CTBP2: variants seen among roughly 807,000 people sequenced by gnomAD.
The protein encoded by CTBP2 is C-terminal binding protein 2, also known as C-terminal-binding protein 2.
In CTBP2, 30 loss-of-function variants were observed where a neutral mutation model predicts 80.3. The observed-to-expected ratio is 0.37, with a 90% CI of 0.28 to 0.51. CTBP2 has a LOEUF of 0.51. Among genes scored for constraint, CTBP2 ranks in the 20% least tolerant of loss-of-function variants. The pLI is 0.93. For missense variants in CTBP2, 1,212 were observed against 1,375.3 expected (o/e 0.88, Z 1.88); for synonymous variants, 594 against 587.4 (o/e 1.01, Z -0.16).
chr10:124,984,473 T>C lies in CTBP2; in HGVS notation c.*5045A>G. 1 of 312,756 alleles carries C rather than the reference T, an allele frequency of 3.2e-6. No individual in the cohort carries two copies. Among genetic ancestry groups the C allele is most frequent in the East Asian group, 5.8e-5 (1 of 17,132 alleles). The allele number at this position is 312,756 out of a possible 1,614,324, so 19.4% of individuals were successfully genotyped here. ...ACTTACCTTGTCATGTGTTTGAAGC[T>C]GTGGCTTGCCAGGATCAGTTTATTA... On this transcript the variant is annotated 3_prime_UTR_variant, in exon 9 of 9. Coordinates refer to ENST00000309035, the MANE Select transcript of CTBP2 (RefSeq NM_022802.3).
chr10:125,148,316 T>A (rs74163350), intron 1 of CTBP2, among the ~76,000 whole-genome samples: 2 of 152,114 alleles, frequency 1.3e-5, no homozygotes, highest in African/African-American at 4.8e-5. Context: ...GACCCTGACA[T>A]GCCAAGTAAC....
chr10:125,030,156 A>G (rs1564751225), upstream of CTBP2, among the ~76,000 whole-genome samples: 1 of 150,406 alleles, frequency 6.6e-6, no homozygotes, highest in African/African-American at 2.5e-5. Context: ...CCACACACAC[A>G]CACACACACA....
At chr10:125,080,711 G>A (rs1393288917) in intron 2 of CTBP2, among the ~76,000 whole-genome samples, 2 of 152,176 alleles carry the variant, frequency 1.3e-5, no homozygotes, top group Non-Finnish European at 2.9e-5. Flanking sequence ...GGGAACCTTA[G>A]CCATGGCCCA....
chr10:125,093,970 G>A (rs1590724905), intron 2 of CTBP2, among the ~76,000 whole-genome samples: 2 of 152,154 alleles, frequency 1.3e-5, no homozygotes, highest in African/African-American at 4.8e-5. Context: ...AGTGGGAGGC[G>A]AGACGGCAAG....
Position 124,987,678 on chromosome 10 carries a change from G to T in CTBP2, c.*1840C>A, listed in dbSNP as rs1457577469. The T allele has an allele frequency of 6.6e-6, 1 of 152,188 alleles. No homozygotes were observed. Among genetic ancestry groups the T allele is most frequent in the Non-Finnish European group, 1.5e-5 (1 of 68,028 alleles). The allele number at this position is 152,188 out of a possible 1,614,324, so 9.4% of individuals were successfully genotyped here. On this transcript the variant is annotated 3_prime_UTR_variant, in exon 9 of 9. Coordinates refer to ENST00000309035, the MANE Select transcript of CTBP2 (RefSeq NM_022802.3). ...TGTTAATAGACACTTTTATGGTAGA[G>T]TTGGGATGGGGCCACCACCTTAAAA...
chr10:125,093,525 A>C (rs746903578), intron 2 of CTBP2, among the ~76,000 whole-genome samples: 1 of 152,210 alleles, frequency 6.6e-6, no homozygotes, highest in Non-Finnish European at 1.5e-5. Flanking sequence ...AAACTCAAAT[A>C]CCAAAGCAGG....
intron 2 of CTBP2, among the ~76,000 whole-genome samples, chr10:125,099,568 G>C (rs956673363): frequency 6.6e-6 from 1 of 152,096 alleles, no homozygotes; most frequent in South Asian, 2.1e-4. Flanking sequence ...GCTTTCAAAG[G>C]GTACAATTCC....
chr10:125,034,636 C>T (rs1387420442), intron 3 of CTBP2, among the ~76,000 whole-genome samples: 1 of 152,106 alleles, frequency 6.6e-6, no homozygotes, highest in Non-Finnish European at 1.5e-5. Flanking sequence ...TTGTGGACTA[C>T]CTATAGGCAG....
At chr10:125,025,163 G>C (rs1054393855) in intron 1 of CTBP2, among the ~76,000 whole-genome samples, 2 of 152,032 alleles carry the variant, frequency 1.3e-5, no homozygotes, top group Non-Finnish European at 2.9e-5. Flanking sequence ...AAAATCATTT[G>C]AAAAGGATTC....
chr10:125,038,011 C>A (rs1959059398), intron 3 of CTBP2, among the ~76,000 whole-genome samples: 2 of 152,204 alleles, frequency 1.3e-5, no homozygotes, highest in Non-Finnish European at 1.5e-5. Context: ...TTTAAAAAAA[C>A]CCTTTAACGC....
intron 1 of CTBP2, among the ~76,000 whole-genome samples, chr10:125,113,708 C>T (rs7920600): frequency 0.13 from 19,598 of 152,140 alleles, 2,004 homozygotes; most frequent in African/African-American, 0.28. Flanking sequence ...AACATGTTAA[C>T]ATCTACCTAA....
intron 1 of CTBP2, among the ~76,000 whole-genome samples, chr10:125,116,971 T>G (rs976168195): frequency 3.3e-4 from 51 of 152,268 alleles, no homozygotes; most frequent in African/African-American, 1.2e-3. Flanking sequence ...AGAGGACCCA[T>G]GGGTTCCCTG....
At chr10:125,073,073 G>A (rs943760134) in intron 2 of CTBP2, among the ~76,000 whole-genome samples, 1 of 152,206 alleles carries the variant, frequency 6.6e-6, no homozygotes, top group Admixed American at 6.5e-5. Context: ...GCAGTTCCAC[G>A]CCGGCTCGCC....
At chr10:125,090,080 C>A (rs1394816987) in intron 2 of CTBP2, among the ~76,000 whole-genome samples, 2 of 152,066 alleles carry the variant, frequency 1.3e-5, no homozygotes, top group Admixed American at 1.3e-4. Context: ...CTCCCCCTTT[C>A]ATGGGCAGGG....
At chr10:125,032,704 G>A (rs1958383161), upstream of CTBP2, 1 of 154,646 alleles carries the variant, frequency 6.5e-6, no homozygotes, top group Non-Finnish European at 1.5e-5. Context: ...TTTGACACCC[G>A]GGCTGTAAAT....
At chr10:125,036,709 GTGTGTGTT>G (rs1251553947) in intron 3 of CTBP2, among the ~76,000 whole-genome samples, 65 of 103,100 alleles carry the variant, frequency 6.3e-4, no homozygotes, top group African/African-American at 2.9e-3. Context: ...GTGTGTGTGT[GTGTGTGTT>G]TGTGTGTGTT....
At chr10:125,102,733 G>A (rs760246297) in intron 2 of CTBP2, among the ~76,000 whole-genome samples, 26 of 152,200 alleles carry the variant, frequency 1.7e-4, no homozygotes, top group Non-Finnish European at 3.7e-4. Flanking sequence ...ACACATGCAG[G>A]AAACACCAGC....
Position 125,101,253 on chromosome 10 carries a change from T to A in CTBP2, c.-102+9737A>T, listed in dbSNP as rs145564091. ...TGGCCGTGTTCCCGGCCTCTCCCAG[T>A]GTGGCTCTCGAGAGAAAGCCTCATG... On this transcript the variant is annotated intron_variant, in intron 2 of 10. Coordinates refer to the CTBP2 transcript ENST00000337195. 2.1e-3 allele frequency among the ~76,000 whole-genome samples: 324 copies of A among 152,370 alleles called. 2 individuals are homozygous for A. The highest frequency in any genetic ancestry group is 7.6e-3 in the African/African-American group (318 of 41,584).
chr10:124,996,044 CTTTG>C (rs1361499870), intron 4 of CTBP2: 1 of 75,636 alleles, frequency 1.3e-5, no homozygotes, highest in African/African-American at 6.7e-5. Flanking sequence ...ACGGCTATTT[CTTTG>C]TTTTTTTTTT....
Sources: gnomAD v4.1 joint callset for allele counts (sites outside exome capture counted in the v4.1 genomes callset) on GRCh38, gnomAD v4.1.1 for gene constraint, MANE v1.5 for transcripts, NCBI Gene and HGNC (gene_info 2026-07-23, HGNC 2026-07-21) for gene names.